The following FBXL13 variants were observed in gnomAD, a reference collection of about 807,000 sequenced individuals.
FBXL13 encodes F-box and leucine-rich repeat protein 13.
Under a neutral mutation model 83.6 loss-of-function variants are expected in FBXL13, and 67 were observed. The ratio of observed to expected loss-of-function variants is 0.80; its 90% CI spans 0.66 to 0.98. FBXL13 has a LOEUF of 0.98. Ranked by LOEUF, FBXL13 falls within the 50% of genes least tolerant of loss-of-function variation. The pLI is 0.00. For missense variants in FBXL13, 822 were observed against 866.5 expected (o/e 0.95, Z 0.64); for synonymous variants, 272 against 299.5 (o/e 0.91, Z 0.95).
chr7:102,845,584 C>G (rs191360949), intron 17 of FBXL13, among the ~76,000 whole-genome samples: 1 of 152,240 alleles, frequency 6.6e-6, no homozygotes, highest in Admixed American at 6.5e-5. Flanking sequence ...CGTCTTTAAC[C>G]ACATCTTCAC....
intron 19 of FBXL13, among the ~76,000 whole-genome samples, chr7:102,820,298 T>C (rs939677233): frequency 6.6e-6 from 1 of 152,202 alleles, no homozygotes; most frequent in African/African-American, 2.4e-5. Flanking sequence ...CTGCTTCTTG[T>C]GCATAGGGAC....
At chr7:103,003,862 C>T (rs1790698082) in intron 6 of FBXL13, among the ~76,000 whole-genome samples, 1 of 152,198 alleles carries the variant, frequency 6.6e-6, no homozygotes, top group Admixed American at 6.5e-5. Flanking sequence ...CAGGCCTGAG[C>T]CACCATGCCC....
chr7:102,832,830 C>T lies in FBXL13; in HGVS notation c.1854+10G>A, dbSNP rs1317735355. ...ATTGGATGTGTTTGAGCCCTGACTC[C>T]TGCACATACCTTTGGACAGCCAGCA... On this transcript the variant is annotated intron_variant, in intron 18 of 19. Coordinates refer to ENST00000313221, the Ensembl canonical transcript of FBXL13. The T allele has an allele frequency of 4.3e-6, 7 of 1,614,108 alleles. No homozygotes were observed. In the South Asian group the frequency reaches 4.4e-5, roughly 10 times the overall value.
chr7:103,006,259 C>T lies in FBXL13; in HGVS notation c.495+18804G>A, dbSNP rs751377544. On this transcript the variant is annotated intron_variant, in intron 6 of 19. Transcript: ENST00000313221. Reference sequence around the variant, plus strand: ...AAGTGGGAGCTACACAGAATAAGAGCTTGAGAAATACACATATGGATCTTC... The same window carrying T: ...AAGTGGGAGCTACACAGAATAAGAGTTTGAGAAATACACATATGGATCTTC... 4.4e-4 allele frequency among the ~76,000 whole-genome samples: 67 copies of T among 152,264 alleles called. No individual in the cohort carries two copies. In the Middle Eastern group the frequency reaches 0.01, roughly 23 times the overall value.
At chr7:102,972,035 A>AG (rs1826751457) in intron 6 of FBXL13, among the ~76,000 whole-genome samples, 1 of 152,104 alleles carries the variant, frequency 6.6e-6, no homozygotes, top group African/African-American at 2.4e-5. Flanking sequence ...CAAAAAAAAA[A>AG]AAAAAAATTT....
At chr7:103,016,449 G>A (rs981375286) in intron 6 of FBXL13, among the ~76,000 whole-genome samples, 7 of 151,958 alleles carry the variant, frequency 4.6e-5, no homozygotes, top group Non-Finnish European at 7.4e-5. Context: ...CTCACTAACC[G>A]AGGTACCAGG....
intron 6 of FBXL13, among the ~76,000 whole-genome samples, chr7:102,987,682 G>T (rs1829129452): frequency 6.6e-6 from 1 of 152,154 alleles, no homozygotes; most frequent in Non-Finnish European, 1.5e-5. Context: ...TCTTGAGTGG[G>T]TATCATACAC....
intron 1 of FBXL13, among the ~76,000 whole-genome samples, chr7:103,067,061 T>G (rs1346990554): frequency 6.6e-6 from 1 of 152,080 alleles, no homozygotes; most frequent in Non-Finnish European, 1.5e-5. Flanking sequence ...TTTTTTTTTT[T>G]TGTCTACTCT....
chr7:103,054,604 C>A (rs1262515936), intron 2 of FBXL13, among the ~76,000 whole-genome samples: 2 of 152,142 alleles, frequency 1.3e-5, no homozygotes, highest in Non-Finnish European at 2.9e-5. Context: ...ACAATGAGAT[C>A]TGTCTTTTAA....
chr7:102,939,351 C>A, intron 8 of FBXL13: 1 of 1,230,762 alleles, frequency 8.1e-7, no homozygotes, highest in East Asian at 2.4e-5. Flanking sequence ...GCTGATTCTT[C>A]AATCACACAG....
intron 6 of FBXL13, among the ~76,000 whole-genome samples, chr7:103,018,617 G>A (rs1457835708): frequency 1.3e-5 from 2 of 152,024 alleles, no homozygotes; most frequent in Non-Finnish European, 2.9e-5. Flanking sequence ...CAAAATAAAG[G>A]GATGGAGGAA....
At chr7:102,924,285 A>G (rs186153876) in intron 10 of FBXL13, among the ~76,000 whole-genome samples, 12 of 152,054 alleles carry the variant, frequency 7.9e-5, no homozygotes, top group African/African-American at 2.6e-4. Flanking sequence ...TAGGTACTGC[A>G]AAAAAACAGG....
At chr7:102,916,189 G>A (rs2129469577) in intron 10 of FBXL13, among the ~76,000 whole-genome samples, 1 of 152,196 alleles carries the variant, frequency 6.6e-6, no homozygotes, top group Admixed American at 6.5e-5. Context: ...GTTTTACCAT[G>A]TTGGCCAGAC....
chr7:102,812,751 T>C (rs1277460544), downstream of FBXL13, among the ~76,000 whole-genome samples: 1 of 152,048 alleles, frequency 6.6e-6, no homozygotes, highest in Non-Finnish European at 1.5e-5. Flanking sequence ...GGTTGTTTCA[T>C]ATAACTGTAG....
intron 6 of FBXL13, among the ~76,000 whole-genome samples, chr7:103,019,674 C>T (rs1203151534): frequency 6.6e-6 from 1 of 152,112 alleles, no homozygotes; most frequent in Non-Finnish European, 1.5e-5. Flanking sequence ...TACAAACTAC[C>T]ATCAGAGAAT....
chr7:102,885,923 T>C (rs532440668), intron 11 of FBXL13, among the ~76,000 whole-genome samples: 5 of 152,318 alleles, frequency 3.3e-5, no homozygotes, highest in South Asian at 2.1e-4. Context: ...CAAAAGACAA[T>C]TGGCCATAAA....
intron 11 of FBXL13, 175 bp downstream of exon 12, chr7:102,912,911 G>A: frequency 1.4e-6 from 1 of 735,356 alleles, no homozygotes; most frequent in Non-Finnish European, 2.1e-6. Flanking sequence ...GAAGCCAAGA[G>A]CCTATAATAG....
chr7:103,023,129 A>T (rs1368762512), intron 6 of FBXL13, among the ~76,000 whole-genome samples: 1 of 152,142 alleles, frequency 6.6e-6, no homozygotes, highest in Non-Finnish European at 1.5e-5. Context: ...ACAAAAAATT[A>T]GCCGGGCGTG....
intron 2 of FBXL13, among the ~76,000 whole-genome samples, chr7:103,040,815 A>C (rs1357201751): frequency 6.6e-6 from 1 of 152,240 alleles, no homozygotes; most frequent in Admixed American, 6.5e-5. Flanking sequence ...AATCTCTGGG[A>C]CATATTTAAA....
Sources: gnomAD v4.1 joint callset for allele counts (sites outside exome capture counted in the v4.1 genomes callset) on GRCh38, gnomAD v4.1.1 for gene constraint, MANE v1.5 for transcripts, NCBI Gene and HGNC (gene_info 2026-07-23, HGNC 2026-07-21) for gene names.